The following GALNT18 variants were observed in gnomAD, a reference collection of about 807,000 sequenced individuals.
The protein encoded by GALNT18 is GalNAc-transferase 18.
In GALNT18, 44 loss-of-function variants were observed where a neutral mutation model predicts 69.5. The ratio of observed to expected loss-of-function variants is 0.63; its 90% CI spans 0.50 to 0.81. GALNT18 has a LOEUF of 0.81. GALNT18 is among the 40% of genes least tolerant of loss of function. GALNT18 has a pLI of 0.00. For missense variants in GALNT18, 715 were observed against 810.0 expected, an observed-to-expected ratio of 0.88 and a Z score of 1.42; for synonymous variants, 364 against 318.2, an observed-to-expected ratio of 1.14 and a Z score of -1.53.
rs1406623553 is a variant in GALNT18, at chr11:11,470,411, C to G, written c.236-21475G>C. On this transcript the variant is annotated intron_variant, in intron 1 of 10. Transcript: ENST00000227756. The surrounding 1 kb of genome is among the most constrained non-coding windows in gnomAD (Gnocchi z 4.8). ...TTCCATCTTAGAAGACAAGAAGAAG[C>G]CCCCTATCCTTCTCCATTTATCTCA... is the stretch of plus-strand genomic sequence containing the variant. Among the ~76,000 whole-genome samples, 1 of 152,144 alleles carries G rather than the reference C, an allele frequency of 6.6e-6. No individual in the cohort carries two copies. Among genetic ancestry groups the G allele is most frequent in the Non-Finnish European group, 1.5e-5 (1 of 68,026 alleles).
chr11:11,445,530 C>T (rs770748122), intron 2 of GALNT18, among the ~76,000 whole-genome samples: 1 of 152,172 alleles, frequency 6.6e-6, no homozygotes, highest in Non-Finnish European at 1.5e-5. Flanking sequence ...TGGAAATTAA[C>T]AGACAAAAGG....
chr11:11,545,857 A>AG (rs1033191758), intron 1 of GALNT18, among the ~76,000 whole-genome samples: 3 of 152,150 alleles, frequency 2.0e-5, no homozygotes, highest in Admixed American at 6.5e-5. Flanking sequence ...CCTGGATCCC[A>AG]GGGGGGATGT....
chr11:11,565,083 G>A (rs1858610863), intron 1 of GALNT18, among the ~76,000 whole-genome samples: 1 of 152,186 alleles, frequency 6.6e-6, no homozygotes, highest in Non-Finnish European at 1.5e-5. Flanking sequence ...AAGGGGCTGT[G>A]GAACCACCAG....
intron 9 of GALNT18, among the ~76,000 whole-genome samples, chr11:11,312,734 G>T (rs557898134): frequency 6.6e-6 from 1 of 152,202 alleles, no homozygotes; most frequent in Non-Finnish European, 1.5e-5. Context: ...CAAAGGCTGC[G>T]TGTCTGCAGG....
rs969782780 is a variant in GALNT18 at position 11,542,802 on chromosome 11, C to T, written c.235+78557G>A. On this transcript the variant is annotated intron_variant, in intron 1 of 10. Coordinates refer to ENST00000227756, the MANE Select transcript of GALNT18 (RefSeq NM_198516.3). This position sits in a 1 kb window ranked among gnomAD's most constrained non-coding sequence, Gnocchi z 4.3. ...TTTCTGATCGATCTGCTTTTGATAG[C>T]ACTTTCCAACACTTTGGTGCTAAGG... Among the ~76,000 whole-genome samples the T allele has an allele frequency of 4.6e-5, 7 of 152,198 alleles. No homozygotes were observed. Among genetic ancestry groups the T allele is most frequent in the Non-Finnish European group, 1.0e-4 (7 of 68,040 alleles).
At chr11:11,467,045 C>T (rs772704651) in intron 1 of GALNT18, among the ~76,000 whole-genome samples, 4 of 152,224 alleles carry the variant, frequency 2.6e-5, no homozygotes, top group Non-Finnish European at 5.9e-5. Flanking sequence ...ATGAACTGCT[C>T]ATCTCTGCAC....
At position 11,605,412 on chromosome 11, in the gene GALNT18, C is replaced by T. The variant is rs913265652; in HGVS notation, c.235+15947G>A. ...TTTCCCGACACCTGTCTCCTGAGTG[C>T]GAAACAGCAAGTCCTAACTTGCCAG... On this transcript the variant is annotated intron_variant, in intron 1 of 10. Coordinates refer to ENST00000227756, the MANE Select transcript of GALNT18 (RefSeq NM_198516.3). The surrounding 1 kb of genome is among the most constrained non-coding windows in gnomAD (Gnocchi z 4.7). Among the ~76,000 whole-genome samples, 7 of 152,200 alleles carry T rather than the reference C, an allele frequency of 4.6e-5. No homozygotes were observed. The highest frequency in any genetic ancestry group is 2.1e-4 in the South Asian group (1 of 4,828).
At chr11:11,518,390 G>A (rs1857326926) in intron 1 of GALNT18, among the ~76,000 whole-genome samples, 1 of 152,246 alleles carries the variant, frequency 6.6e-6, no homozygotes, top group African/African-American at 2.4e-5. Flanking sequence ...GTTTTGTTTA[G>A]TTAAGCACTT....
At position 11,539,851 on chromosome 11, in the gene GALNT18, G is replaced by T. The variant is rs113335632; in HGVS notation, c.235+81508C>A. Among the ~76,000 whole-genome samples the T allele has an allele frequency of 1.7e-3, 257 of 152,312 alleles. 1 individual carries two copies. Among genetic ancestry groups the T allele is most frequent in the African/African-American group, 5.9e-3 (246 of 41,570 alleles). On this transcript the variant is annotated intron_variant, in intron 1 of 10. Coordinates refer to ENST00000227756, the MANE Select transcript of GALNT18 (RefSeq NM_198516.3). ...ACTGCTGTCAAAAGCAGATCGATCAGAAATAAAGAAGAAAGGGGCTCTCAG... is the reference window on the plus strand; with the variant it reads ...ACTGCTGTCAAAAGCAGATCGATCATAAATAAAGAAGAAAGGGGCTCTCAG...
chr11:11,535,487 T>A (rs1446467611), intron 1 of GALNT18, among the ~76,000 whole-genome samples: 2 of 152,224 alleles, frequency 1.3e-5, no homozygotes, highest in Non-Finnish European at 2.9e-5. Flanking sequence ...CTGCCCTTAT[T>A]GTCCATGGAG....
chr11:11,332,484 G>T lies in GALNT18; in HGVS notation c.1416+210C>A, dbSNP rs541040920. Among the ~76,000 whole-genome samples the T allele has an allele frequency of 1.3e-5, 2 of 152,306 alleles. No homozygotes were observed. Among genetic ancestry groups the T allele is most frequent in the African/African-American group, 4.8e-5 (2 of 41,562 alleles). ...AGCTGAATTGCTTAGGACTATAAAG[G>T]AGAGACAAGTACCTCTCTCAAGGGA... On this transcript the variant is annotated intron_variant, in intron 8 of 10. Coordinates refer to ENST00000227756, the MANE Select transcript of GALNT18 (RefSeq NM_198516.3). This position sits in a 1 kb window ranked among gnomAD's most constrained non-coding sequence, Gnocchi z 4.3.
intron 6 of GALNT18, among the ~76,000 whole-genome samples, chr11:11,371,876 G>A (rs1850915597): frequency 6.6e-6 from 1 of 152,330 alleles, no homozygotes; most frequent in African/African-American, 2.4e-5. Flanking sequence ...CCTGTAGGAT[G>A]AGAAATAACA....
At chr11:11,451,471 C>G (rs149633507) in intron 1 of GALNT18, among the ~76,000 whole-genome samples, 5 of 152,246 alleles carry the variant, frequency 3.3e-5, no homozygotes, top group African/African-American at 1.2e-4. Context: ...CCACATGGTC[C>G]TACCTTTTCA....
intron 1 of GALNT18, among the ~76,000 whole-genome samples, chr11:11,585,801 GTTTT>G (rs57051547): frequency 1.2e-3 from 140 of 115,836 alleles, no homozygotes; most frequent in South Asian, 3.9e-3. Flanking sequence ...TTCTCAATAA[GTTTT>G]TTTTTTTTTT....
rs192745009 is a variant in GALNT18, at chr11:11,552,001, C to A, written c.235+69358G>T. Among the ~76,000 whole-genome samples the A allele has an allele frequency of 2.2e-3, 330 of 152,290 alleles. 1 individual carries two copies. Among genetic ancestry groups the A allele is most frequent in the Non-Finnish European group, 2.6e-3 (175 of 68,022 alleles). ...GAAACAAATCACAATGGCGGAATGT[C>A]ATCAGTTAAGGCTATTTTCACTTCT... On this transcript the variant is annotated intron_variant, in intron 1 of 10. Transcript: ENST00000227756.
intron 1 of GALNT18, among the ~76,000 whole-genome samples, chr11:11,493,267 CAAAAAAAAAAAAAAA>C (rs142149447): frequency 2.8e-5 from 2 of 71,356 alleles, no homozygotes; most frequent in African/African-American, 1.1e-4. Flanking sequence ...TCCTTCATCT[CAAAAAAAAAAAAAAA>C]AAAAAAAAAA....
Position 11,487,642 on chromosome 11 carries a change from A to G in GALNT18, c.236-38706T>C, listed in dbSNP as rs139111900. The stretch of plus-strand genomic sequence containing the variant: ...GGTTTTCCTCAGCAGCTGAGCTTGA[A>G]GGTTTCCATACGTTGGCTTCTAATA... On this transcript the variant is annotated intron_variant, in intron 1 of 10. Coordinates refer to ENST00000227756, the MANE Select transcript of GALNT18 (RefSeq NM_198516.3). 1.2e-3 allele frequency among the ~76,000 whole-genome samples: 176 copies of G among 152,284 alleles called. 4 individuals are homozygous for G. Among genetic ancestry groups the G allele is most frequent in the African/African-American group, 4.1e-3 (169 of 41,550 alleles).
chr11:11,586,148 G>A lies in GALNT18; in HGVS notation c.235+35211C>T, dbSNP rs562963392. On this transcript the variant is annotated intron_variant, in intron 1 of 10. Transcript: ENST00000227756. This position sits in a 1 kb window ranked among gnomAD's most constrained non-coding sequence, Gnocchi z 4.1. ...GAACTGTGAAAAATAAATTTCTATT[G>A]TTTATAAGCCATGCCATCTAGGGTA... Among the ~76,000 whole-genome samples, 2 of 152,238 alleles carry A rather than the reference G, an allele frequency of 1.3e-5. No individual in the cohort carries two copies. The highest frequency in any genetic ancestry group is 6.5e-5 in the Admixed American group (1 of 15,294).
At position 11,497,327 on chromosome 11, in the gene GALNT18, A is replaced by AACACACACAC. The variant is rs61001797; in HGVS notation, c.236-48401_236-48392dup. Reference sequence around the variant, plus strand: ...TATTTATGTTTTACCTCCTGTCTCCAACACACACACACACACACACACACA... The same window carrying AACACACACAC: ...TATTTATGTTTTACCTCCTGTCTCCAACACACACACACACACACACACACACACACACACA... On this transcript the variant is annotated intron_variant, in intron 1 of 10. Coordinates refer to ENST00000227756, the MANE Select transcript of GALNT18 (RefSeq NM_198516.3). The surrounding 1 kb of genome is among the most constrained non-coding windows in gnomAD (Gnocchi z 4.2). 0.09 allele frequency among the ~76,000 whole-genome samples: 11,886 copies of AACACACACAC among 132,128 alleles called. 658 individuals carry two copies. The highest frequency in any genetic ancestry group is 0.13 in the African/African-American group (4,385 of 34,042). The allele number at this position is 132,128 out of a possible 152,430, so 86.7% of individuals were successfully genotyped here.
Sources: allele counts gnomAD v4.1 joint callset (sites outside exome capture counted in the v4.1 genomes callset), GRCh38; gene constraint gnomAD v4.1.1; non-coding constraint Gnocchi (gnomAD v3.1); transcripts MANE v1.5; gene names NCBI Gene and HGNC (gene_info 2026-07-23, HGNC 2026-07-21).